The following PMS2 variants were observed in gnomAD, a reference collection of about 807,000 sequenced individuals.
PMS2 encodes PMS1 homolog 2, mismatch repair system component.
A neutral mutation model predicts 90.0 loss-of-function variants in PMS2; 69 were observed. That is an observed-to-expected ratio of 0.77 (90% CI 0.63 to 0.94). The LOEUF is 0.94. Among genes scored for constraint, PMS2 ranks in the 40% least tolerant of loss-of-function variants. The pLI is 0.00. For missense variants in PMS2, 966 were observed against 1,040.2 expected (o/e 0.93, Z 0.98); for synonymous variants, 332 against 375.1 (o/e 0.89, Z 1.33).
intron 8 of PMS2, among the ~76,000 whole-genome samples, chr7:5,993,045 C>T (rs954296769): frequency 2.6e-5 from 4 of 152,164 alleles, no homozygotes; most frequent in African/African-American, 9.6e-5. Flanking sequence ...TCAACCACAT[C>T]TGGCAGATTA....
chr7:5,992,604 G>A (rs927604295), intron 8 of PMS2, among the ~76,000 whole-genome samples: 1 of 152,162 alleles, frequency 6.6e-6, no homozygotes, highest in Non-Finnish European at 1.5e-5. Flanking sequence ...ATAGGCGTAA[G>A]CCACTACACC....
At position 5,972,864 on chromosome 7, in the gene PMS2, C is replaced by T. The variant is rs563432331; in HGVS notation, c.*535G>A. On this transcript the variant is annotated 3_prime_UTR_variant, in exon 15 of 15. Transcript: ENST00000265849. ...TTTTGTTTTGTTTTGTTTTTTGAGA[C>T]ACAGTCTTGTTCTATCTCACCCAGG... is the stretch of plus-strand genomic sequence containing the variant. Among the ~76,000 whole-genome samples the T allele has an allele frequency of 2.0e-3, 118 of 58,558 alleles. 17 individuals carry two copies. Among genetic ancestry groups the T allele is most frequent in the Non-Finnish European group, 2.9e-3 (90 of 31,566 alleles). 38.4% of individuals were successfully genotyped at this position (58,558 alleles called of 152,430 possible). A position where few individuals can be genotyped will look rare whatever the true frequency, so the allele number is the denominator to read the frequency against.
rs864622274 is a variant in PMS2, at chr7:6,003,792, G to C, written c.251C>G (p.Thr84Ser). The change falls in exon 4 of 15, where the codon ACT becomes AGT. Residue 84 changes from threonine to serine, a missense_variant and splice_region_variant. Thr to Ser is a moderately conservative substitution (Grantham distance 58). This residue lies in a region of PMS2 where 871 missense variants were observed against 802.4 expected (regional missense o/e 1.09). Transcript: ENST00000265849. ...GVEEENFEGL[T>S]LKHHTSKIQE... The stretch of plus-strand genomic sequence containing the variant: ...AATCTTAGATGTGTGATGTTTCAGA[G>C]CTGAAAGAGAGTGTAAAGTAAGGAC... The C allele has an allele frequency of 5.0e-6, 8 of 1,595,192 alleles. No individual in the cohort carries two copies. The African/African-American group carries it at 6.7e-5, about 13-fold the overall frequency.
At chr7:5,994,638 T>C (rs1377948428) in intron 8 of PMS2, among the ~76,000 whole-genome samples, 7 of 151,458 alleles carry the variant, frequency 4.6e-5, no homozygotes, top group African/African-American at 4.9e-5. Flanking sequence ...TAACCAGGCG[T>C]GGTGGCAGGC....
At chr7:6,005,262 T>C (rs1304108842) in intron 2 of PMS2, among the ~76,000 whole-genome samples, 1 of 152,154 alleles carries the variant, frequency 6.6e-6, no homozygotes, top group Non-Finnish European at 1.5e-5. Flanking sequence ...TGGCATGCAG[T>C]GGCACGATCT....
At chr7:5,977,140 C>T (rs551481722) in intron 14 of PMS2, among the ~76,000 whole-genome samples, 186 of 151,056 alleles carry the variant, frequency 1.2e-3, no homozygotes, top group African/African-American at 4.4e-3. Context: ...CTGCAAGTTC[C>T]GCCTTCTGGG....
chr7:5,983,763 T>A (rs915653455), intron 11 of PMS2, among the ~76,000 whole-genome samples: 1 of 151,596 alleles, frequency 6.6e-6, no homozygotes, highest in Non-Finnish European at 1.5e-5. Flanking sequence ...GCGATTCTCC[T>A]GCCTCAGCCT....
Position 5,989,869 on chromosome 7 carries a change from A to C in PMS2, c.1075T>G (p.Leu359Val), listed in dbSNP as rs730881910. The C allele has an allele frequency of 6.2e-7, 1 of 1,612,512 alleles. No individual in the cohort carries two copies. Among genetic ancestry groups the C allele is most frequent in the Non-Finnish European group, 8.5e-7 (1 of 1,178,828 alleles). ...KLLLAVLKTS[L>V]IGMFDSDVNK... The stretch of plus-strand genomic sequence containing the variant: ...ACATCACTATCAAACATTCCTATCA[A>C]AGAGGTCTTTAAAACTGCCAACAAA... Residue 359 changes from leucine (L) to valine (V), a missense_variant, in exon 10 of 15, where the codon TTG becomes GTG. Leu to Val is a conservative substitution (Grantham distance 32, BLOSUM62 1). This residue lies in a region of PMS2 where 871 missense variants were observed against 802.4 expected (regional missense o/e 1.09). Transcript: ENST00000265849.
chr7:6,002,694 G>A (rs2128820142), intron 4 of PMS2, 58 bp from the exon 5 acceptor site: 3 of 1,308,472 alleles, frequency 2.3e-6, no homozygotes, highest in Non-Finnish European at 3.3e-6. Flanking sequence ...GTTGGGCACT[G>A]ACTACTCTTT....
chr7:5,976,064 C>A (rs1435489697), intron 14 of PMS2, among the ~76,000 whole-genome samples: 3 of 144,804 alleles, frequency 2.1e-5, no homozygotes, highest in Non-Finnish European at 4.6e-5. Flanking sequence ...CATGGTGAAA[C>A]CCCATCTCTA....
At chr7:6,001,770 G>C (rs1435190373) in intron 5 of PMS2, among the ~76,000 whole-genome samples, 1 of 152,032 alleles carries the variant, frequency 6.6e-6, no homozygotes, top group Admixed American at 6.6e-5. Flanking sequence ...GATCACCTGA[G>C]GTCAGGAATT....
At chr7:5,989,319 T>C (rs1783452440) in intron 10 of PMS2, among the ~76,000 whole-genome samples, 1 of 151,808 alleles carries the variant, frequency 6.6e-6, no homozygotes, top group South Asian at 2.1e-4. Context: ...TAATCCCAGC[T>C]ACTCAGGAGG....
intron 10 of PMS2, among the ~76,000 whole-genome samples, chr7:5,989,233 C>A (rs1282028994): frequency 2.0e-5 from 3 of 152,028 alleles, no homozygotes; most frequent in African/African-American, 4.8e-5. Context: ...GAGTTTGAGA[C>A]CAGCCTGGGC....
intron 12 of PMS2, among the ~76,000 whole-genome samples, chr7:5,981,406 G>C (rs572961973): frequency 9.4e-5 from 14 of 149,514 alleles, no homozygotes; most frequent in Non-Finnish European, 7.4e-5. Context: ...CATCAAGTCT[G>C]ACTAATTTTT....
In PMS2 at chr7:5,984,785, C is replaced by CA. The variant is rs565437334; in HGVS notation, c.2007-1795dup. ...GGGCGAAAGAGTGAGACTCTTGTCT[C>CA]AAAAAAAAAACAAAGGAGCTGATAT... is the stretch of plus-strand genomic sequence containing the variant. On this transcript the variant is annotated intron_variant, in intron 11 of 14. Coordinates refer to ENST00000265849, the MANE Select transcript of PMS2 (RefSeq NM_000535.7). 5.2e-3 allele frequency among the ~76,000 whole-genome samples: 752 copies of CA among 145,072 alleles called. 5 individuals carry two copies. The highest frequency in any genetic ancestry group is 7.7e-3 in the Non-Finnish European group (508 of 66,114).
intron 6 of PMS2, among the ~76,000 whole-genome samples, chr7:5,997,682 G>A (rs1053515093): frequency 2.6e-5 from 4 of 152,070 alleles, no homozygotes; most frequent in African/African-American, 9.7e-5. Flanking sequence ...GTGAGTAGCT[G>A]GGACTACAGG....
intron 9 of PMS2, among the ~76,000 whole-genome samples, chr7:5,990,833 GCGAAAC>G (rs1234093330): frequency 6.6e-6 from 1 of 152,104 alleles, no homozygotes; most frequent in Non-Finnish European, 1.5e-5. Context: ...GGCCAACATG[GCGAAAC>G]CCCGTCTCTA....
At chr7:6,006,092 T>C in intron 1 of PMS2, 61 bp from the exon 2 acceptor site, 3 of 1,580,856 alleles carry the variant, frequency 1.9e-6, no homozygotes, top group Non-Finnish European at 2.6e-6. Context: ...CATCCTGATT[T>C]TAACTGTGGG....
At position 6,003,788 on chromosome 7, in the gene PMS2, C is replaced by T. The variant is rs200491279; in HGVS notation, c.255G>A (p.Leu85=). The change falls in exon 4 of 15, where the codon CTG becomes CTA. Residue 85 remains leucine, a synonymous_variant. Coordinates refer to ENST00000265849, the MANE Select transcript of PMS2 (RefSeq NM_000535.7). The stretch of plus-strand genomic sequence containing the variant: ...CTTGAATCTTAGATGTGTGATGTTT[C>T]AGAGCTGAAAGAGAGTGTAAAGTAA... The part of the protein sequence containing the change: ...VEEENFEGLT[L]KHHTSKIQEF... 290 of 1,600,630 alleles carry T rather than the reference C, an allele frequency of 1.8e-4. No homozygotes were observed. Among genetic ancestry groups the T allele is most frequent in the Non-Finnish European group, 2.3e-4 (271 of 1,172,536 alleles).
Sources: allele counts gnomAD v4.1 joint callset (sites outside exome capture counted in the v4.1 genomes callset), GRCh38; gene constraint gnomAD v4.1.1; regional missense constraint gnomAD v4.1.1; transcripts MANE v1.5; gene names NCBI Gene and HGNC (gene_info 2026-07-23, HGNC 2026-07-21).